CSMD1: variants seen among roughly 807,000 people sequenced by gnomAD.
CSMD1 encodes CUB and sushi domain-containing protein 1.
In CSMD1, 213 loss-of-function variants were observed where a neutral mutation model predicts 417.5. The ratio of observed to expected loss-of-function variants is 0.51; its 90% CI spans 0.46 to 0.57. The LOEUF (loss-of-function observed/expected upper bound fraction) is 0.57. Ranked by LOEUF, CSMD1 falls within the 20% of genes least tolerant of loss-of-function variation. CSMD1 has a pLI of 0.00. For missense variants in CSMD1, 6,923 were observed against 4,529.7 expected (o/e 1.53, Z -15.17); for synonymous variants, 2,862 against 1,736.8 (o/e 1.65, Z -16.11).
At chr8:4,221,211 T>C (rs1367751861) in intron 3 of CSMD1, among the ~76,000 whole-genome samples, 3 of 152,158 alleles carry the variant, frequency 2.0e-5, no homozygotes, top group African/African-American at 7.2e-5. Flanking sequence ...GCCCCATAAA[T>C]ATTTCAAATA....
intron 5 of CSMD1, among the ~76,000 whole-genome samples, chr8:3,830,505 T>C (rs528055364): frequency 2.0e-4 from 31 of 152,198 alleles, no homozygotes; most frequent in Non-Finnish European, 4.0e-4. Flanking sequence ...AATCATGGAG[T>C]TGTGAAGACT....
intron 54 of CSMD1, among the ~76,000 whole-genome samples, chr8:2,979,354 T>C (rs1805207039): frequency 6.6e-6 from 1 of 152,226 alleles, no homozygotes; most frequent in African/African-American, 2.4e-5. Context: ...AGGCCTCTTC[T>C]CCTTTTAGAA....
intron 2 of CSMD1, among the ~76,000 whole-genome samples, chr8:4,536,015 C>T (rs1478531935): frequency 1.3e-5 from 2 of 152,060 alleles, no homozygotes; most frequent in Admixed American, 1.3e-4. Flanking sequence ...ATCAATGCCA[C>T]CATTATTAAC....
chr8:4,056,078 CTTTT>C (rs58415435), intron 3 of CSMD1, among the ~76,000 whole-genome samples: 1 of 97,846 alleles, frequency 1.0e-5, no homozygotes, highest in African/African-American at 3.9e-5. Context: ...TGGTGGCTTC[CTTTT>C]TTTTTTTTTT....
At chr8:4,261,836 T>G (rs1803909519) in intron 3 of CSMD1, among the ~76,000 whole-genome samples, 2 of 152,176 alleles carry the variant, frequency 1.3e-5, no homozygotes, top group African/African-American at 4.8e-5. Flanking sequence ...CTTATATGTA[T>G]AAAGATTTTG....
At chr8:4,879,530 TG>T (rs1329873402) in intron 1 of CSMD1, among the ~76,000 whole-genome samples, 1 of 152,092 alleles carries the variant, frequency 6.6e-6, no homozygotes, top group Non-Finnish European at 1.5e-5. Context: ...AATACATAAT[TG>T]GTATTTCTTT....
intron 10 of CSMD1, among the ~76,000 whole-genome samples, chr8:3,513,090 G>A (rs1458826150): frequency 6.6e-6 from 1 of 151,772 alleles, no homozygotes; most frequent in East Asian, 1.9e-4. Context: ...TCATTGTCTA[G>A]CCCTCCTTGG....
chr8:3,714,640 G>C lies in CSMD1; in HGVS notation c.932-6149C>G, dbSNP rs569095030. Among the ~76,000 whole-genome samples the C allele has an allele frequency of 8.2e-3, 1,234 of 150,850 alleles. 15 individuals are homozygous for C. The highest frequency in any genetic ancestry group is 0.029 in the African/African-American group (1,171 of 41,048). On this transcript the variant is annotated intron_variant, in intron 6 of 69. Transcript: ENST00000635120. ...TAGTCCCAGCTAGTTGGGAGGCTGAGGAACTAGAATTGCTTGAACCCCGGA... is the reference window on the plus strand; with the variant it reads ...TAGTCCCAGCTAGTTGGGAGGCTGACGAACTAGAATTGCTTGAACCCCGGA...
At chr8:3,408,307 G>C in intron 13 of CSMD1, 82 bp from the exon 14 acceptor site, 3 of 1,072,062 alleles carry the variant, frequency 2.8e-6, no homozygotes, top group East Asian at 5.2e-5. Flanking sequence ...TAAGAACCTG[G>C]AAAGGCAATT....
At chr8:4,990,018 A>G (rs1421006302) in intron 1 of CSMD1, among the ~76,000 whole-genome samples, 1 of 152,182 alleles carries the variant, frequency 6.6e-6, no homozygotes, top group Non-Finnish European at 1.5e-5. Flanking sequence ...TGGCCAGCTG[A>G]AAGCCAATAT....
At chr8:4,366,432 T>C (rs1322726918) in intron 3 of CSMD1, among the ~76,000 whole-genome samples, 1 of 152,208 alleles carries the variant, frequency 6.6e-6, no homozygotes, top group Non-Finnish European at 1.5e-5. Context: ...TTATTTCCTT[T>C]TGGGTAATCC....
At chr8:4,782,386 T>A (rs7842957) in intron 1 of CSMD1, among the ~76,000 whole-genome samples, 2,022 of 152,304 alleles carry the variant, frequency 0.013, 43 homozygotes, top group African/African-American at 0.046. Context: ...ACAATTATTA[T>A]GTAGGTCAAT....
In CSMD1 at chr8:3,942,513, C is replaced by T. The variant is rs184086353; in HGVS notation, c.818+55390G>A. Among the ~76,000 whole-genome samples the T allele has an allele frequency of 3.9e-5, 6 of 152,276 alleles. No homozygotes were observed. The East Asian group carries it at 1.2e-3, about 29-fold the overall frequency. On this transcript the variant is annotated intron_variant, in intron 5 of 69. Coordinates refer to ENST00000635120, the MANE Select transcript of CSMD1 (RefSeq NM_033225.6). ...AGCAATTTACCTTCAGGGACTATAA[C>T]CCTCAACCCAGGAGGACACCGGTGC...
At chr8:3,740,709 G>T (rs1396701679) in intron 6 of CSMD1, among the ~76,000 whole-genome samples, 1 of 152,170 alleles carries the variant, frequency 6.6e-6, no homozygotes, top group Non-Finnish European at 1.5e-5. Context: ...AAAACAAACT[G>T]CAAACGAAGA....
At chr8:3,385,043 TATAA>T (rs1488806190) in intron 18 of CSMD1, among the ~76,000 whole-genome samples, 2 of 117,162 alleles carry the variant, frequency 1.7e-5, no homozygotes, top group African/African-American at 3.5e-5. Flanking sequence ...ATATATAATA[TATAA>T]ATATATAATA....
At chr8:4,750,549 G>C (rs548343394) in intron 1 of CSMD1, among the ~76,000 whole-genome samples, 1 of 152,042 alleles carries the variant, frequency 6.6e-6, no homozygotes, top group African/African-American at 2.4e-5. Context: ...AATTTTATCA[G>C]CATAGGTCAG....
At chr8:3,732,593 A>C (rs570531080) in intron 6 of CSMD1, among the ~76,000 whole-genome samples, 2 of 152,202 alleles carry the variant, frequency 1.3e-5, no homozygotes, top group Non-Finnish European at 2.9e-5. Context: ...CGCACCATGA[A>C]AGCTGCATTT....
intron 3 of CSMD1, among the ~76,000 whole-genome samples, chr8:4,402,381 T>C (rs939431006): frequency 3.3e-5 from 5 of 152,130 alleles, no homozygotes; most frequent in Admixed American, 2.6e-4. Flanking sequence ...TGTTCCTCTC[T>C]GGCTCTGACC....
At chr8:4,406,976 A>G (rs1311175540) in intron 3 of CSMD1, among the ~76,000 whole-genome samples, 2 of 152,190 alleles carry the variant, frequency 1.3e-5, no homozygotes, top group Non-Finnish European at 2.9e-5. Context: ...AAACGAGGAA[A>G]ATGTTCTAGC....
Sources: gnomAD v4.1 joint callset for allele counts (sites outside exome capture counted in the v4.1 genomes callset) on GRCh38, gnomAD v4.1.1 for gene constraint, MANE v1.5 for transcripts, NCBI Gene and HGNC (gene_info 2026-07-23, HGNC 2026-07-21) for gene names.